CSMD1: variants seen among roughly 807,000 people sequenced by gnomAD.
CSMD1 encodes CUB and Sushi multiple domains 1.
CSMD1 carries 213 observed loss-of-function variants against 417.5 expected under a neutral mutation model. The observed-to-expected ratio is 0.51, with a 90% CI of 0.46 to 0.57. The LOEUF is 0.57. CSMD1 is among the 20% of genes least tolerant of loss of function. CSMD1 has a pLI of 0.00. For missense variants in CSMD1, 6,923 were observed against 4,529.7 expected (o/e 1.53, Z -15.17); for synonymous variants, 2,862 against 1,736.8 (o/e 1.65, Z -16.11).
chr8:4,683,901 A>G (rs1481225469), intron 1 of CSMD1, among the ~76,000 whole-genome samples: 1 of 152,230 alleles, frequency 6.6e-6, no homozygotes. Context: ...GGAAAGGACT[A>G]ATTAGATATG....
chr8:4,020,036 A>T (rs941953963), intron 4 of CSMD1, among the ~76,000 whole-genome samples: 1 of 152,104 alleles, frequency 6.6e-6, no homozygotes, highest in Non-Finnish European at 1.5e-5. Context: ...GAAATCTAAA[A>T]TCGTGCTTAA....
At chr8:3,602,021 G>A (rs1801385726) in intron 8 of CSMD1, among the ~76,000 whole-genome samples, 1 of 152,138 alleles carries the variant, frequency 6.6e-6, no homozygotes, top group Admixed American at 6.5e-5. Context: ...GGCTTTATGG[G>A]TATGGAGTTT....
chr8:4,706,563 G>C (rs574717543), intron 1 of CSMD1, among the ~76,000 whole-genome samples: 61 of 152,272 alleles, frequency 4.0e-4, no homozygotes, highest in African/African-American at 1.5e-3. Flanking sequence ...CATCATTTAA[G>C]TCAACTTATG....
intron 1 of CSMD1, among the ~76,000 whole-genome samples, chr8:4,955,255 G>A (rs1809014738): frequency 6.6e-6 from 1 of 152,130 alleles, no homozygotes; most frequent in Non-Finnish European, 1.5e-5. Flanking sequence ...TTGAAACACA[G>A]TCATCCTTAA....
rs375687155 is a variant in CSMD1 at position 3,531,790 on chromosome 8, G to C, written c.1345-38064C>G. Among the ~76,000 whole-genome samples the C allele has an allele frequency of 2.6e-5, 4 of 152,344 alleles. No homozygotes were observed. The East Asian group carries it at 5.8e-4, about 22-fold the overall frequency. ...AAGATCGGGCTGCAAACATAGATAA[G>C]CAAGCTAGAAGCTTACACAGGGGGA... On this transcript the variant is annotated intron_variant, in intron 10 of 69. Coordinates refer to ENST00000635120, the MANE Select transcript of CSMD1 (RefSeq NM_033225.6).
chr8:3,052,357 A>T, intron 50 of CSMD1, 105 bp downstream of exon 50: 1 of 721,328 alleles, frequency 1.4e-6, no homozygotes, highest in Non-Finnish European at 2.3e-6. Context: ...AAATCCTCAC[A>T]AGGTGTGGGA....
chr8:4,005,419 T>G (rs528403758), intron 4 of CSMD1, among the ~76,000 whole-genome samples: 14 of 152,284 alleles, frequency 9.2e-5, no homozygotes, highest in African/African-American at 1.9e-4. Context: ...TGCAACCAAT[T>G]AGACACAGAC....
intron 3 of CSMD1, among the ~76,000 whole-genome samples, chr8:4,039,450 T>A (rs1797776811): frequency 6.6e-6 from 1 of 152,218 alleles, no homozygotes; most frequent in Non-Finnish European, 1.5e-5. Context: ...TTCCTAGTCT[T>A]GAAACCTTAC....
chr8:3,674,726 C>A (rs1193246337), intron 7 of CSMD1, among the ~76,000 whole-genome samples: 1 of 152,068 alleles, frequency 6.6e-6, no homozygotes, highest in Non-Finnish European at 1.5e-5. Flanking sequence ...TTGCTGATTC[C>A]AAGTCCCTGC....
At chr8:3,850,501 C>G (rs111555457) in intron 5 of CSMD1, among the ~76,000 whole-genome samples, 1 of 152,216 alleles carries the variant, frequency 6.6e-6, no homozygotes, top group Non-Finnish European at 1.5e-5. Flanking sequence ...TCAAGACCGG[C>G]TTGGCCAACA....
intron 5 of CSMD1, among the ~76,000 whole-genome samples, chr8:3,919,043 T>C (rs186352193): frequency 1.3e-5 from 2 of 151,974 alleles, no homozygotes; most frequent in Non-Finnish European, 2.9e-5. Flanking sequence ...TTTTAAAAAA[T>C]ATGTGGTTGT....
chr8:4,994,271 T>TC, intron 1 of CSMD1, 61 bp downstream of exon 1: 1 of 1,498,780 alleles, frequency 6.7e-7, no homozygotes, highest in East Asian at 2.3e-5. Flanking sequence ...CACACTCGCG[T>TC]CCGCACACGG....
chr8:4,235,606 C>G (rs151133760), intron 3 of CSMD1, among the ~76,000 whole-genome samples: 74 of 152,266 alleles, frequency 4.9e-4, no homozygotes, highest in African/African-American at 1.8e-3. Flanking sequence ...TCAGGGATCT[C>G]ATGACACTGG....
intron 1 of CSMD1, among the ~76,000 whole-genome samples, chr8:4,937,971 G>A (rs986062632): frequency 6.6e-6 from 1 of 152,128 alleles, no homozygotes; most frequent in African/African-American, 2.4e-5. Flanking sequence ...GTTTTCAACA[G>A]TAGTTTTATT....
At chr8:4,347,613 T>G (rs575104328) in intron 3 of CSMD1, among the ~76,000 whole-genome samples, 1 of 152,192 alleles carries the variant, frequency 6.6e-6, no homozygotes, top group Admixed American at 6.5e-5. Context: ...CCATCTGCTC[T>G]GAGTCTTCTA....
chr8:3,739,381 CAAAT>C (rs1796682534), intron 6 of CSMD1, among the ~76,000 whole-genome samples: 1 of 152,112 alleles, frequency 6.6e-6, no homozygotes, highest in Non-Finnish European at 1.5e-5. Flanking sequence ...TACACGTTTA[CAAAT>C]AGTTAGAAGA....
At chr8:3,463,144 T>C (rs1816613219) in intron 12 of CSMD1, among the ~76,000 whole-genome samples, 1 of 152,200 alleles carries the variant, frequency 6.6e-6, no homozygotes, top group Non-Finnish European at 1.5e-5. Context: ...CATATTCTGT[T>C]ACGGCAACCT....
intron 5 of CSMD1, among the ~76,000 whole-genome samples, chr8:3,932,240 G>A (rs748591398): frequency 2.0e-5 from 3 of 150,470 alleles, no homozygotes; most frequent in African/African-American, 4.9e-5. Flanking sequence ...TCAAACTTAA[G>A]AGCAGGAAAA....
chr8:4,135,014 T>C (rs145243216), intron 3 of CSMD1, among the ~76,000 whole-genome samples: 2 of 152,160 alleles, frequency 1.3e-5, no homozygotes, highest in South Asian at 2.1e-4. Flanking sequence ...AGAATTTTTA[T>C]TGATTATTTT....
Sources: gnomAD v4.1 joint callset for allele counts (sites outside exome capture counted in the v4.1 genomes callset) on GRCh38, gnomAD v4.1.1 for gene constraint, MANE v1.5 for transcripts, NCBI Gene and HGNC (gene_info 2026-07-23, HGNC 2026-07-21) for gene names.